HHAT: variants seen among roughly 807,000 people sequenced by gnomAD.
The protein encoded by HHAT is protein-cysteine N-palmitoyltransferase HHAT.
A neutral mutation model predicts 70.8 loss-of-function variants in HHAT; 47 were observed. That is an observed-to-expected ratio of 0.66 (90% CI 0.53 to 0.85). HHAT has a LOEUF of 0.85. Ranked by LOEUF, HHAT falls within the 40% of genes least tolerant of loss-of-function variation. The probability of loss-of-function intolerance (pLI) is 0.00; values close to 1 mark genes in which losing one functional copy is unlikely to be tolerated. For missense variants in HHAT, 609 were observed against 604.8 expected, an observed-to-expected ratio of 1.01 and a Z score of -0.07; for synonymous variants, 228 against 247.6, an observed-to-expected ratio of 0.92 and a Z score of 0.74.
intron 8 of HHAT, among the ~76,000 whole-genome samples, chr1:210,503,992 A>T (rs1175930601): frequency 1.3e-5 from 2 of 152,260 alleles, no homozygotes; most frequent in East Asian, 3.8e-4. Flanking sequence ...CACCAAAAGC[A>T]TGATCCACAA....
intron 9 of HHAT, among the ~76,000 whole-genome samples, chr1:210,580,177 C>T (rs1658910365): frequency 6.6e-6 from 1 of 151,980 alleles, no homozygotes; most frequent in South Asian, 2.1e-4. Flanking sequence ...GAGAATTAGC[C>T]CAGCTCAAAA....
intron 8 of HHAT, among the ~76,000 whole-genome samples, chr1:210,498,781 T>C (rs1386849683): frequency 1.1e-4 from 16 of 150,806 alleles, no homozygotes; most frequent in African/African-American, 3.7e-4. Flanking sequence ...TTTCTTTTTT[T>C]TTTTTTTTGA....
chr1:210,571,025 G>A (rs1015204219), intron 9 of HHAT, among the ~76,000 whole-genome samples: 1 of 152,190 alleles, frequency 6.6e-6, no homozygotes, highest in Non-Finnish European at 1.5e-5. Flanking sequence ...TCTTGAAGGA[G>A]GCTCTCCCAA....
intron 11 of HHAT, among the ~76,000 whole-genome samples, chr1:210,655,162 A>C (rs1238671748): frequency 6.6e-6 from 1 of 152,148 alleles, no homozygotes; most frequent in Admixed American, 6.5e-5. Flanking sequence ...AATTAACCCC[A>C]TGTAAAGATT....
intron 7 of HHAT, among the ~76,000 whole-genome samples, chr1:210,456,352 A>G (rs984996007): frequency 2.3e-4 from 35 of 151,944 alleles, no homozygotes; most frequent in African/African-American, 7.5e-4. Context: ...CTTACTCTGA[A>G]TACTCAGTCT....
chr1:210,379,278 T>C (rs1424825068), intron 3 of HHAT, among the ~76,000 whole-genome samples: 1 of 152,224 alleles, frequency 6.6e-6, no homozygotes, highest in Non-Finnish European at 1.5e-5. Flanking sequence ...GTTTCTTTAC[T>C]CTGAGAGTCA....
At position 210,345,596 on chromosome 1, in the gene HHAT, A is replaced by G. The variant is rs549336860; in HGVS notation, c.-43-3337A>G. On this transcript the variant is annotated intron_variant, in intron 1 of 11. Coordinates refer to ENST00000261458, the MANE Select transcript of HHAT (RefSeq NM_018194.6). ...GCTCTTGTTTATTTCAGTGTTTACT[A>G]TTAGAAGTGTTTTGGTCTTTATTTA... Among the ~76,000 whole-genome samples the G allele has an allele frequency of 5.3e-5, 8 of 152,334 alleles. No individual in the cohort carries two copies. In the East Asian group the frequency reaches 1.3e-3, roughly 26 times the overall value.
chr1:210,528,122 T>C (rs1234340208), intron 9 of HHAT, among the ~76,000 whole-genome samples: 1 of 152,172 alleles, frequency 6.6e-6, no homozygotes, highest in Non-Finnish European at 1.5e-5. Context: ...CAGGTGATCA[T>C]ATGCATATCT....
chr1:210,452,060 G>T (rs1442243042), intron 7 of HHAT, among the ~76,000 whole-genome samples: 1 of 152,132 alleles, frequency 6.6e-6, no homozygotes, highest in Non-Finnish European at 1.5e-5. Context: ...TTTCAGAAGT[G>T]CTGTTGTAAT....
intron 9 of HHAT, among the ~76,000 whole-genome samples, chr1:210,552,850 G>A (rs1436430285): frequency 6.6e-6 from 1 of 152,136 alleles, no homozygotes; most frequent in Non-Finnish European, 1.5e-5. Flanking sequence ...ACCTTCCTTG[G>A]CTTTCTACCC....
At chr1:210,574,598 T>A (rs1040386047) in intron 9 of HHAT, among the ~76,000 whole-genome samples, 1 of 152,246 alleles carries the variant, frequency 6.6e-6, no homozygotes, top group Non-Finnish European at 1.5e-5. Context: ...TTGATTTTTG[T>A]TTTTGCTGAC....
intron 10 of HHAT, among the ~76,000 whole-genome samples, chr1:210,616,334 C>T (rs1405216128): frequency 6.6e-6 from 1 of 152,184 alleles, no homozygotes; most frequent in Non-Finnish European, 1.5e-5. Context: ...GCCAACATCT[C>T]TCCAACACCC....
chr1:210,383,865 TG>T (rs1224395307), intron 3 of HHAT, among the ~76,000 whole-genome samples: 2 of 152,226 alleles, frequency 1.3e-5, no homozygotes, highest in African/African-American at 4.8e-5. Context: ...CATCAGTGAC[TG>T]GGAAGAAAGG....
At chr1:210,624,961 G>A (rs554540188) in intron 11 of HHAT, among the ~76,000 whole-genome samples, 1 of 152,342 alleles carries the variant, frequency 6.6e-6, no homozygotes, top group South Asian at 2.1e-4. Context: ...AGGCAGCGGT[G>A]CTTTTGCTGC....
intron 8 of HHAT, among the ~76,000 whole-genome samples, chr1:210,478,813 A>G (rs1289927788): frequency 1.3e-5 from 2 of 152,328 alleles, no homozygotes; most frequent in Non-Finnish European, 2.9e-5. Flanking sequence ...ATCCAGTCTT[A>G]GATGGATACT....
intron 10 of HHAT, among the ~76,000 whole-genome samples, chr1:210,611,241 A>G (rs1434632749): frequency 6.6e-6 from 1 of 152,064 alleles, no homozygotes; most frequent in African/African-American, 2.4e-5. Flanking sequence ...TGTTAGCTGT[A>G]TTCCTAGGTA....
At chr1:210,673,755 C>CTTAT (rs1553331246) in intron 11 of HHAT, among the ~76,000 whole-genome samples, 2 of 70,606 alleles carry the variant, frequency 2.8e-5, no homozygotes, top group Admixed American at 1.6e-4. Context: ...CCATGCCTGG[C>CTTAT]TTATTTATTA....
chr1:210,350,206 TAAAG>T (rs1179808486), intron 2 of HHAT, among the ~76,000 whole-genome samples: 1 of 152,172 alleles, frequency 6.6e-6, no homozygotes, highest in South Asian at 2.1e-4. Context: ...AGCCATAAAA[TAAAG>T]ATGTTTATAG....
chr1:210,546,420 TGGAGGAGAA>T (rs1424044042), intron 9 of HHAT, among the ~76,000 whole-genome samples: 2 of 151,968 alleles, frequency 1.3e-5, no homozygotes, highest in African/African-American at 4.8e-5. Flanking sequence ...GCATGGAAGA[TGGAGGAGAA>T]GGGAACTGCT....
Sources: allele counts gnomAD v4.1 joint callset (sites outside exome capture counted in the v4.1 genomes callset), GRCh38; gene constraint gnomAD v4.1.1; transcripts MANE v1.5; gene names NCBI Gene and HGNC (gene_info 2026-07-23, HGNC 2026-07-21).